CSMD1: variants seen among roughly 807,000 people sequenced by gnomAD.
CSMD1 encodes CUB and sushi domain-containing protein 1.
Under a neutral mutation model 417.5 loss-of-function variants are expected in CSMD1, and 213 were observed. The observed-to-expected ratio is 0.51, with a 90% CI of 0.46 to 0.57. CSMD1 has a LOEUF of 0.57. Ranked by LOEUF, CSMD1 falls within the 20% of genes least tolerant of loss-of-function variation. The probability of loss-of-function intolerance (pLI) is 0.00; values close to 1 mark genes in which losing one functional copy is unlikely to be tolerated. For synonymous variants in CSMD1, 2,862 were observed against 1,736.8 expected (o/e 1.65, Z -16.11); for missense variants, 6,923 against 4,529.7 (o/e 1.53, Z -15.17).
rs556949106 is a variant in CSMD1 at position 4,568,378 on chromosome 8, C to T, written c.302+68964G>A. ...TTATGACTGAGAACATGCGTTGTTTCGTTTTCTGTTTCTGTGTCTTTACTG... is the reference window on the plus strand; with the variant it reads ...TTATGACTGAGAACATGCGTTGTTTTGTTTTCTGTTTCTGTGTCTTTACTG... On this transcript the variant is annotated intron_variant, in intron 2 of 69. Transcript: ENST00000635120. 1.6e-4 allele frequency among the ~76,000 whole-genome samples: 25 copies of T among 152,164 alleles called. No homozygotes were observed. In the South Asian group the frequency reaches 2.9e-3, roughly 18 times the overall value.
intron 5 of CSMD1, among the ~76,000 whole-genome samples, chr8:3,912,854 G>T (rs753340934): frequency 2.0e-5 from 3 of 152,152 alleles, no homozygotes; most frequent in Admixed American, 6.5e-5. Flanking sequence ...GAGTTCTGGA[G>T]GGGGCGTAGT....
In CSMD1 at chr8:4,949,643, C is replaced by T. The variant is rs573647536; in HGVS notation, c.85+44689G>A. Among the ~76,000 whole-genome samples the T allele has an allele frequency of 5.3e-5, 8 of 152,192 alleles. No homozygotes were observed. The South Asian group carries it at 1.5e-3, about 28-fold the overall frequency. ...CATCCCCAACCAAGAAGCATCTGAC[C>T]CCACATGGCAATAGTGCCAAGGCTG... On this transcript the variant is annotated intron_variant, in intron 1 of 69. Transcript: ENST00000635120.
At chr8:3,779,440 G>T (rs977812855) in intron 5 of CSMD1, among the ~76,000 whole-genome samples, 1 of 152,078 alleles carries the variant, frequency 6.6e-6, no homozygotes, top group Non-Finnish European at 1.5e-5. Context: ...GATCGTTTAA[G>T]TTGTCATTTT....
intron 1 of CSMD1, among the ~76,000 whole-genome samples, chr8:4,783,057 T>C (rs2117197712): frequency 6.6e-6 from 1 of 152,274 alleles, no homozygotes; most frequent in Non-Finnish European, 1.5e-5. Context: ...ACTGACCTCT[T>C]TCATAAACTT....
intron 8 of CSMD1, among the ~76,000 whole-genome samples, chr8:3,610,101 T>C (rs1203904357): frequency 2.0e-5 from 3 of 152,104 alleles, no homozygotes; most frequent in Non-Finnish European, 4.4e-5. Flanking sequence ...ACATTTGTAA[T>C]GAACTGATTA....
At chr8:4,764,698 C>A (rs570809119) in intron 1 of CSMD1, among the ~76,000 whole-genome samples, 34 of 146,940 alleles carry the variant, frequency 2.3e-4, no homozygotes, top group South Asian at 8.5e-4. Context: ...AAAAAAAAAA[C>A]CCATCTCTAC....
intron 3 of CSMD1, among the ~76,000 whole-genome samples, chr8:4,315,762 TCA>T (rs1798887367): frequency 6.6e-6 from 1 of 152,006 alleles, no homozygotes; most frequent in Non-Finnish European, 1.5e-5. Flanking sequence ...AACTAGCTGG[TCA>T]TTTCATTTCA....
At chr8:3,076,171 C>G (rs1228823139) in intron 49 of CSMD1, among the ~76,000 whole-genome samples, 1 of 152,196 alleles carries the variant, frequency 6.6e-6, no homozygotes, top group Non-Finnish European at 1.5e-5. Context: ...GATTTTCTCA[C>G]AGTCCTGGAG....
At chr8:4,470,220 A>G (rs774131156) in intron 2 of CSMD1, among the ~76,000 whole-genome samples, 6 of 151,952 alleles carry the variant, frequency 3.9e-5, no homozygotes, top group Non-Finnish European at 2.9e-5. Context: ...CTGGCCTCTG[A>G]TATTTTTCAG....
In CSMD1 at chr8:2,955,755, T is replaced by A. The variant is rs1364670974; in HGVS notation, c.9828A>T (p.Arg3276Ser). ...IQTECIPHAC[R>S]QPETPAHADV... ...CCGCGTGTGCCGGGGTTTCTGGCTG[T>A]CTGCAGGCATGAGCTGAAACAACAT... Residue 3276 changes from arginine (R) to serine (S), a missense_variant, in exon 64 of 70, where the codon AGA (arginine) becomes AGT (serine). By Grantham distance (110) the Arg-to-Ser change is moderately radical. Coordinates refer to ENST00000635120, the MANE Select transcript of CSMD1 (RefSeq NM_033225.6). 3 of 1,613,696 alleles carry A rather than the reference T, an allele frequency of 1.9e-6. No individual in the cohort carries two copies. The highest frequency in any genetic ancestry group is 2.5e-6 in the Non-Finnish European group (3 of 1,179,814).
chr8:3,926,477 C>T (rs1402569894), intron 5 of CSMD1, among the ~76,000 whole-genome samples: 2 of 150,532 alleles, frequency 1.3e-5, no homozygotes, highest in African/African-American at 2.4e-5. Context: ...ACATGTGTTG[C>T]ATTTCATTAG....
At chr8:4,473,050 A>C (rs1330420046) in intron 2 of CSMD1, among the ~76,000 whole-genome samples, 1 of 152,116 alleles carries the variant, frequency 6.6e-6, no homozygotes, top group Admixed American at 6.6e-5. Context: ...CAAATTCTGC[A>C]TTAAGTGATA....
intron 2 of CSMD1, among the ~76,000 whole-genome samples, chr8:4,425,050 G>A (rs901322932): frequency 6.6e-6 from 1 of 151,968 alleles, no homozygotes; most frequent in African/African-American, 2.4e-5. Context: ...AACTATTGAG[G>A]ATAATTTAGT....
Position 4,216,261 on chromosome 8 carries a change from T to C in CSMD1, c.416-184162A>G, listed in dbSNP as rs182197622. ...TTTTTTCTGCCTGGAATCCTTTCAC[T>C]CTACGAGACCTGACCTTCTCCCTGT... On this transcript the variant is annotated intron_variant, in intron 3 of 69. Coordinates refer to ENST00000635120, the MANE Select transcript of CSMD1 (RefSeq NM_033225.6). Among the ~76,000 whole-genome samples the C allele has an allele frequency of 5.9e-5, 9 of 152,230 alleles. No individual in the cohort carries two copies. In the South Asian group the frequency reaches 8.3e-4, roughly 14 times the overall value.
chr8:4,175,951 G>A (rs1258121684), intron 3 of CSMD1, among the ~76,000 whole-genome samples: 2 of 152,270 alleles, frequency 1.3e-5, no homozygotes, highest in Middle Eastern at 6.8e-3. Context: ...GACATTGGTG[G>A]CATGGGGCAG....
At chr8:4,694,604 C>G (rs895816957) in intron 1 of CSMD1, among the ~76,000 whole-genome samples, 2 of 151,966 alleles carry the variant, frequency 1.3e-5, no homozygotes, top group Admixed American at 6.6e-5. Context: ...ACCTCATGAC[C>G]TGCCCACCTC....
chr8:4,763,479 A>G (rs1361626216), intron 1 of CSMD1, among the ~76,000 whole-genome samples: 1 of 152,290 alleles, frequency 6.6e-6, no homozygotes, highest in African/African-American at 2.4e-5. Flanking sequence ...AGAGCTCCAT[A>G]ATCATTCAAT....
intron 1 of CSMD1, among the ~76,000 whole-genome samples, chr8:4,992,927 G>C (rs745581519): frequency 6.6e-6 from 1 of 152,198 alleles, no homozygotes; most frequent in Non-Finnish European, 1.5e-5. Flanking sequence ...GGTGGATGCC[G>C]GTGAGGAGGA....
At chr8:4,196,538 T>G (rs57681166) in intron 3 of CSMD1, among the ~76,000 whole-genome samples, 1 of 152,196 alleles carries the variant, frequency 6.6e-6, no homozygotes, top group Non-Finnish European at 1.5e-5. Context: ...TTGCTGGCTG[T>G]AAACTGTGAG....
Sources: gnomAD v4.1 joint callset for allele counts (sites outside exome capture counted in the v4.1 genomes callset) on GRCh38, gnomAD v4.1.1 for gene constraint, MANE v1.5 for transcripts, NCBI Gene and HGNC (gene_info 2026-07-23, HGNC 2026-07-21) for gene names.